The following APBA2 variants were observed in gnomAD, a reference collection of about 807,000 sequenced individuals.
APBA2 encodes the protein amyloid-beta A4 precursor protein-binding family A member 2.
Under a neutral mutation model 75.0 loss-of-function variants are expected in APBA2, and 30 were observed. The observed-to-expected ratio is 0.40, with a 90% CI of 0.30 to 0.54. The LOEUF (loss-of-function observed/expected upper bound fraction) is 0.54, where lower values mean the gene tolerates loss of function less well. APBA2 is among the 20% of genes least tolerant of loss of function. The pLI, the probability that APBA2 is intolerant of heterozygous loss-of-function variation, is 0.49. For synonymous variants in APBA2, 444 were observed against 409.6 expected (o/e 1.08, Z -1.01); for missense variants, 801 against 1,016.1 (o/e 0.79, Z 2.88).
At chr15:29,111,392 C>T (rs532772549) in intron 13 of APBA2, among the ~76,000 whole-genome samples, 5 of 152,164 alleles carry the variant, frequency 3.3e-5, no homozygotes, top group South Asian at 2.1e-4. Flanking sequence ...TGCTGGCAGC[C>T]GAGGAGAGGG....
In APBA2 at chr15:29,107,444, C is replaced by T. The variant is rs149212868; in HGVS notation, c.1917+625C>T. Among the ~76,000 whole-genome samples the T allele has an allele frequency of 2.3e-3, 357 of 152,298 alleles. 1 individual carries two copies. The highest frequency in any genetic ancestry group is 4.4e-3 in the Admixed American group (67 of 15,308). On this transcript the variant is annotated intron_variant, in intron 12 of 14. Coordinates refer to ENST00000683413, the MANE Select transcript of APBA2 (RefSeq NM_001353788.2). ...TCTTGTGACCCAGCTGTGGCCTGGC[C>T]CCCAGCCCTCTGTGGCATGTTCCTC...
intron 2 of APBA2, among the ~76,000 whole-genome samples, chr15:28,983,267 G>C (rs959809917): frequency 2.0e-5 from 3 of 152,156 alleles, no homozygotes; most frequent in African/African-American, 7.2e-5. Flanking sequence ...CATGTAAGGT[G>C]GTCCTTGTCT....
At chr15:28,969,179 T>TCTTTCGTTCGTTCGTTCTTTCTTTC (rs2036924825) in intron 2 of APBA2, among the ~76,000 whole-genome samples, 3 of 143,210 alleles carry the variant, frequency 2.1e-5, no homozygotes, top group African/African-American at 7.9e-5. Context: ...TTTCTTTCTT[T>TCTTTCGTTCGTTCGTTCTTTCTTTC]CTTTTTTTTA....
At chr15:29,008,070 C>T (rs1393528874) in intron 3 of APBA2, among the ~76,000 whole-genome samples, 2 of 152,192 alleles carry the variant, frequency 1.3e-5, no homozygotes, top group Non-Finnish European at 2.9e-5. Flanking sequence ...AATTCTGACA[C>T]ATGCTATAAC....
At chr15:29,060,357 A>G (rs2042079277) in intron 4 of APBA2, among the ~76,000 whole-genome samples, 1 of 152,140 alleles carries the variant, frequency 6.6e-6, no homozygotes. Flanking sequence ...CTCACCTGTG[A>G]ATAGACTGTG....
intron 2 of APBA2, among the ~76,000 whole-genome samples, chr15:28,940,524 G>A (rs985176300): frequency 1.8e-4 from 27 of 150,300 alleles, no homozygotes; most frequent in Non-Finnish European, 4.4e-5. Context: ...CTGCACTCCA[G>A]CCTGGGTGAC....
chr15:29,067,374 G>C (rs930675680), intron 4 of APBA2, among the ~76,000 whole-genome samples: 3 of 152,186 alleles, frequency 2.0e-5, no homozygotes, highest in Non-Finnish European at 2.9e-5. Flanking sequence ...TGGACCTGTG[G>C]ACCTGGCGTG....
intron 2 of APBA2, among the ~76,000 whole-genome samples, chr15:28,975,690 G>C (rs1035256295): frequency 6.6e-6 from 1 of 152,174 alleles, no homozygotes; most frequent in Non-Finnish European, 1.5e-5. Flanking sequence ...ATGGGGGAGG[G>C]ACACCATAAG....
At chr15:28,890,145 C>T (rs568230338) in intron 1 of APBA2, among the ~76,000 whole-genome samples, 188 of 152,206 alleles carry the variant, frequency 1.2e-3, no homozygotes, top group Non-Finnish European at 2.3e-3. Flanking sequence ...CATTTGGATC[C>T]TCCTGGCATG....
rs548605613 is a variant in APBA2, at chr15:28,886,595, A to G, written c.-205+317A>G. 3.4e-3 allele frequency among the ~76,000 whole-genome samples: 516 copies of G among 151,888 alleles called. 1 individual carries two copies. Among genetic ancestry groups the G allele is most frequent in the Non-Finnish European group, 6.5e-3 (441 of 67,886 alleles). On this transcript the variant is annotated intron_variant, in intron 1 of 14. Coordinates refer to ENST00000683413, the MANE Select transcript of APBA2 (RefSeq NM_001353788.2). ...GGCAAGGGGCCACCCGGCGCGGACA[A>G]GAGGCGCTGTGTGGCGGGGCTGTCC...
chr15:29,060,145 C>T (rs143072405), intron 4 of APBA2, among the ~76,000 whole-genome samples: 7 of 152,280 alleles, frequency 4.6e-5, no homozygotes, highest in Non-Finnish European at 8.8e-5. Context: ...ATCATCAGGA[C>T]CCTTGGCTTC....
intron 2 of APBA2, among the ~76,000 whole-genome samples, chr15:28,959,628 C>T (rs574882942): frequency 6.6e-6 from 1 of 152,288 alleles, no homozygotes; most frequent in African/African-American, 2.4e-5. Context: ...TTGGTTAAGT[C>T]CCCTAGCCTG....
At chr15:28,905,970 G>T (rs139913022) in intron 1 of APBA2, among the ~76,000 whole-genome samples, 6,132 of 152,128 alleles carry the variant, frequency 0.04, 342 homozygotes, top group African/African-American at 0.13. Context: ...GCCCCATTCA[G>T]TGCCCACAAG....
intron 1 of APBA2, among the ~76,000 whole-genome samples, chr15:28,904,731 G>C (rs2033049841): frequency 1.3e-5 from 2 of 151,886 alleles, no homozygotes; most frequent in Admixed American, 6.6e-5. Context: ...GCACCCCTCA[G>C]TGTCTGCAGC....
At chr15:29,028,349 T>A (rs1447800545) in intron 3 of APBA2, among the ~76,000 whole-genome samples, 1 of 152,204 alleles carries the variant, frequency 6.6e-6, no homozygotes, top group Non-Finnish European at 1.5e-5. Context: ...TTTGTATGGC[T>A]GCATAGTATT....
At chr15:29,096,149 G>A (rs963890784) in intron 8 of APBA2, among the ~76,000 whole-genome samples, 15 of 152,198 alleles carry the variant, frequency 9.9e-5, no homozygotes, top group African/African-American at 2.7e-4. Flanking sequence ...TTCCTGGCCC[G>A]GCCACAGCCA....
intron 2 of APBA2, among the ~76,000 whole-genome samples, chr15:28,994,659 C>T (rs542637772): frequency 2.4e-4 from 36 of 152,272 alleles, no homozygotes; most frequent in Middle Eastern, 3.4e-3. Flanking sequence ...GAGGAAATTT[C>T]GTAATTATAA....
chr15:29,016,083 C>G (rs1265207560), intron 3 of APBA2, among the ~76,000 whole-genome samples: 1 of 152,116 alleles, frequency 6.6e-6, no homozygotes, highest in Admixed American at 6.5e-5. Flanking sequence ...ATGGTGAAAC[C>G]CTGTCTCTAC....
intron 3 of APBA2, among the ~76,000 whole-genome samples, chr15:29,045,341 C>T (rs60669847): frequency 0.036 from 5,507 of 151,052 alleles, 211 homozygotes; most frequent in East Asian, 0.18. Context: ...CTGCCAGCCT[C>T]GGCCTCCCAA....
Sources: gnomAD v4.1 joint callset for allele counts (sites outside exome capture counted in the v4.1 genomes callset) on GRCh38, gnomAD v4.1.1 for gene constraint, MANE v1.5 for transcripts, NCBI Gene and HGNC (gene_info 2026-07-23, HGNC 2026-07-21) for gene names.